SLC67A2: variants seen among roughly 807,000 people sequenced by gnomAD.
SLC67A2 encodes the protein solute carrier family 67 member A2.
chr2:102,718,538 A>T, the SLC67A2 span: 2 of 1,612,404 alleles, frequency 1.2e-6, no homozygotes, highest in Admixed American at 1.7e-5. Context: ...GCAAGGGCTG[A>T]CCTCCTGGGC....
chr2:102,716,734 T>C, the SLC67A2 span: 1 of 152,240 alleles, frequency 6.6e-6, no homozygotes, highest in African/African-American at 2.4e-5. Flanking sequence ...ATGTGTTAAG[T>C]TGAAAACAGG....
the SLC67A2 span, among the ~76,000 whole-genome samples, chr2:102,730,545 ATT>A: frequency 6.9e-5 from 10 of 144,958 alleles, no homozygotes; most frequent in Admixed American, 6.9e-5. Flanking sequence ...TGGTAATAAC[ATT>A]TTTTTTTTTT....
chr2:102,736,483 T>C, the SLC67A2 span: 13 of 1,495,314 alleles, frequency 8.7e-6, no homozygotes, highest in South Asian at 1.6e-4. Context: ...CAGACTGAAG[T>C]GGGTGATAGG....
chr2:102,714,633 CAATTAT>C, the SLC67A2 span, among the ~76,000 whole-genome samples: 1 of 152,086 alleles, frequency 6.6e-6, no homozygotes, highest in Non-Finnish European at 1.5e-5. Flanking sequence ...TTCCTCATTA[CAATTAT>C]AAAGTTTTAT....
At chr2:102,722,561 A>G in the SLC67A2 span, among the ~76,000 whole-genome samples, 11 of 152,356 alleles carry the variant, frequency 7.2e-5, no homozygotes, top group South Asian at 2.3e-3. Flanking sequence ...TAAAATATGT[A>G]TCATGCAGAA....
chr2:102,732,669 C>T, the SLC67A2 span, among the ~76,000 whole-genome samples: 7 of 152,164 alleles, frequency 4.6e-5, no homozygotes, highest in Non-Finnish European at 2.9e-5. Flanking sequence ...ACAAAAAACC[C>T]CATATTTTCT....
At chr2:102,721,612 A>G in the SLC67A2 span, among the ~76,000 whole-genome samples, 4 of 152,098 alleles carry the variant, frequency 2.6e-5, no homozygotes, top group Non-Finnish European at 5.9e-5. Flanking sequence ...AAGAAGAAGA[A>G]AGACATTTTA....
chr2:102,736,146 A>T, the SLC67A2 span, among the ~76,000 whole-genome samples: 1 of 152,110 alleles, frequency 6.6e-6, no homozygotes, highest in Admixed American at 6.5e-5. Context: ...TCTGATCTGC[A>T]TTTTTTAATA....
the SLC67A2 span, among the ~76,000 whole-genome samples, chr2:102,725,218 C>G: frequency 6.6e-6 from 1 of 152,158 alleles, no homozygotes; most frequent in African/African-American, 2.4e-5. Context: ...GAATCCACAA[C>G]TGACTTTGTG....
At chr2:102,715,106 C>G in the SLC67A2 span, among the ~76,000 whole-genome samples, 1 of 152,200 alleles carries the variant, frequency 6.6e-6, no homozygotes, top group African/African-American at 2.4e-5. Context: ...GACCAGCTCT[C>G]CCTCAGGGCC....
At chr2:102,731,007 C>G in the SLC67A2 span, 1 of 1,611,890 alleles carries the variant, frequency 6.2e-7, no homozygotes, top group Non-Finnish European at 8.5e-7. Context: ...ATGGATGAGA[C>G]ATGTGATCAT....
At chr2:102,718,907 C>A in the SLC67A2 span, 1 of 1,614,206 alleles carries the variant, frequency 6.2e-7, no homozygotes, top group Non-Finnish European at 8.5e-7. Flanking sequence ...CACCCCAAAG[C>A]GCTCCTCCAG....
chr2:102,720,000 T>C, the SLC67A2 span, among the ~76,000 whole-genome samples: 3 of 152,344 alleles, frequency 2.0e-5, no homozygotes, highest in African/African-American at 7.2e-5. Flanking sequence ...ATCCCACCTC[T>C]GTCCTCATAG....
the SLC67A2 span, chr2:102,715,890 C>T: frequency 6.6e-6 from 1 of 152,128 alleles, no homozygotes; most frequent in Non-Finnish European, 1.5e-5. Flanking sequence ...ATAAGTGATA[C>T]AAATACTACC....
At chr2:102,733,239 C>T in the SLC67A2 span, among the ~76,000 whole-genome samples, 2,493 of 152,264 alleles carry the variant, frequency 0.016, 72 homozygotes, top group African/African-American at 0.058. Flanking sequence ...AGGTTACCTG[C>T]TACAGTTGGT....
chr2:102,724,620 T>C, the SLC67A2 span, among the ~76,000 whole-genome samples: 1 of 152,200 alleles, frequency 6.6e-6, no homozygotes. Context: ...TGACAGATTC[T>C]GGTAACCAGC....
chr2:102,722,787 G>A, the SLC67A2 span, among the ~76,000 whole-genome samples: 1 of 152,092 alleles, frequency 6.6e-6, no homozygotes, highest in South Asian at 2.1e-4. Flanking sequence ...AAACGAAAAA[G>A]CTTCTGCACA....
chr2:102,728,893 A>G, the SLC67A2 span, among the ~76,000 whole-genome samples: 2 of 152,052 alleles, frequency 1.3e-5, no homozygotes, highest in African/African-American at 4.8e-5. Flanking sequence ...ACCCATAACC[A>G]CCCTTTGAGG....
At chr2:102,722,029 G>A in the SLC67A2 span, among the ~76,000 whole-genome samples, 2 of 152,370 alleles carry the variant, frequency 1.3e-5, no homozygotes, top group African/African-American at 4.8e-5. Context: ...GCACAGGGGT[G>A]ATAGCAGTGA....
Sources: allele counts gnomAD v4.1 joint callset (sites outside exome capture counted in the v4.1 genomes callset), GRCh38; gene constraint gnomAD v4.1.1; transcripts MANE v1.5; gene names NCBI Gene and HGNC (gene_info 2026-07-23, HGNC 2026-07-21).